The following APOBEC3F variants were observed in gnomAD, a reference collection of about 807,000 sequenced individuals.
APOBEC3F encodes DNA dC->dU-editing enzyme APOBEC-3F.
In APOBEC3F, 34 loss-of-function variants were observed where a neutral mutation model predicts 45.8. The ratio of observed to expected loss-of-function variants is 0.74; its 90% CI spans 0.57 to 0.99. The LOEUF is 0.99. Ranked by LOEUF, APOBEC3F falls within the 50% of genes least tolerant of loss-of-function variation. APOBEC3F has a pLI of 0.00. For missense variants in APOBEC3F, 459 were observed against 474.1 expected (o/e 0.97, Z 0.30); for synonymous variants, 192 against 174.4 (o/e 1.10, Z -0.80).
intron 4 of APOBEC3F, among the ~76,000 whole-genome samples, chr22:39,046,558 G>T (rs1927232001): frequency 6.6e-6 from 1 of 152,008 alleles, no homozygotes; most frequent in African/African-American, 2.4e-5. Context: ...GCCCCCAACA[G>T]GGATGGAGAT....
intron 4 of APOBEC3F, among the ~76,000 whole-genome samples, chr22:39,046,050 A>C (rs1479792091): frequency 6.6e-6 from 1 of 152,152 alleles, no homozygotes; most frequent in Non-Finnish European, 1.5e-5. Flanking sequence ...TGGAGGCTGC[A>C]AGTCCAAGGT....
chr22:39,044,348 G>A, intron 2 of APOBEC3F: 3 of 1,404,004 alleles, frequency 2.1e-6, no homozygotes, highest in Non-Finnish European at 2.8e-6. Context: ...TCATGTCTTG[G>A]TGCACTTTGT....
At chr22:39,049,303 T>A in intron 4 of APOBEC3F, 122 bp from the exon 5 acceptor site, 1 of 1,216,736 alleles carries the variant, frequency 8.2e-7, no homozygotes, top group South Asian at 1.5e-5. Flanking sequence ...TCTCTCCCAG[T>A]CTTTCTGCCT....
chr22:39,042,130 G>A (rs1316910576), intron 1 of APOBEC3F, among the ~76,000 whole-genome samples: 1 of 152,178 alleles, frequency 6.6e-6, no homozygotes, highest in African/African-American at 2.4e-5. Flanking sequence ...TGGCCCGTGC[G>A]GGCCTAGGGC....
In APOBEC3F at chr22:39,054,784, G is replaced by A. The variant is rs1267386101; in HGVS notation, c.*2089G>A. On this transcript the variant is annotated 3_prime_UTR_variant, in exon 7 of 7. Coordinates refer to ENST00000308521, the MANE Select transcript of APOBEC3F (RefSeq NM_145298.6). ...TTTAAATTTGACTTGACATTTTCTA[G>A]GCAGATATAAGTTATTAGAGAATGA... Among the ~76,000 whole-genome samples, 4 of 152,146 alleles carry A rather than the reference G, an allele frequency of 2.6e-5. No homozygotes were observed. The highest frequency in any genetic ancestry group is 9.7e-5 in the African/African-American group (4 of 41,424).
In APOBEC3F at chr22:39,041,813, GATC is replaced by G. The variant is rs561733812; in HGVS notation, c.17+837_17+839del. Among the ~76,000 whole-genome samples, 16 of 151,952 alleles carry G rather than the reference GATC, an allele frequency of 1.1e-4. No homozygotes were observed. The South Asian group carries it at 3.3e-3, about 32-fold the overall frequency. Reference sequence around the variant, plus strand: ...GGAGGCGGAGGTTGCAGTGAGCCGAGATCGCCCCATCGCACTCCAGCCTGGGCA... The same window carrying G: ...GGAGGCGGAGGTTGCAGTGAGCCGAGGCCCCATCGCACTCCAGCCTGGGCA... On this transcript the variant is annotated intron_variant, in intron 1 of 6. Coordinates refer to ENST00000308521, the MANE Select transcript of APOBEC3F (RefSeq NM_145298.6).
intron 1 of APOBEC3F, 142 bp from the exon 2 acceptor site, chr22:39,042,794 TG>T: frequency 7.7e-7 from 1 of 1,300,148 alleles, no homozygotes; most frequent in Non-Finnish European, 1.0e-6. Context: ...TCTTCCTGCC[TG>T]GGAAGGAAGC....
In APOBEC3F at chr22:39,045,226, A is replaced by C. The variant is rs1179895811; in HGVS notation, c.451+6A>C. 6.2e-7 allele frequency: 1 copy of C among 1,613,540 alleles called. No homozygotes were observed. Among genetic ancestry groups the C allele is most frequent in the African/African-American group, 1.3e-5 (1 of 74,858 alleles). Reference sequence around the variant, plus strand: ...GAAGATTATGGACGATGAAGGTGAGAGGTGGAGGGGTCAGGGGAGCGTGAG... The same window carrying C: ...GAAGATTATGGACGATGAAGGTGAGCGGTGGAGGGGTCAGGGGAGCGTGAG... On this transcript the variant is annotated splice_donor_region_variant and intron_variant, in intron 3 of 6. Coordinates refer to ENST00000308521, the MANE Select transcript of APOBEC3F (RefSeq NM_145298.6).
At chr22:39,048,898 T>C (rs1927345595) in intron 4 of APOBEC3F, among the ~76,000 whole-genome samples, 1 of 151,904 alleles carries the variant, frequency 6.6e-6, no homozygotes. Flanking sequence ...GGCAGGAGAA[T>C]CACTTCAACC....
intron 6 of APOBEC3F, 95 bp from the exon 7 acceptor site, chr22:39,052,482 A>T: frequency 6.4e-7 from 1 of 1,568,954 alleles, no homozygotes; most frequent in Non-Finnish European, 8.6e-7. Flanking sequence ...GTCCACTGCA[A>T]CTGGCAGTCA....
intron 5 of APOBEC3F, among the ~76,000 whole-genome samples, chr22:39,050,967 A>C (rs34782049): frequency 0.012 from 1,821 of 152,286 alleles, 42 homozygotes; most frequent in African/African-American, 0.042. Context: ...GGCCGAGTGC[A>C]GTGGCTCACG....
chr22:39,052,986 A>AT lies in APOBEC3F; in HGVS notation c.*292dup, dbSNP rs201268620. 5,948 of 266,174 alleles carry AT rather than the reference A, an allele frequency of 0.022. 127 individuals are homozygous for AT. The highest frequency in any genetic ancestry group is 0.044 in the Middle Eastern group (31 of 712). 16.5% of individuals were successfully genotyped at this position (266,174 alleles called of 1,614,324 possible). A position where few individuals can be genotyped will look rare whatever the true frequency, so the allele number is the denominator to read the frequency against. On this transcript the variant is annotated 3_prime_UTR_variant, in exon 7 of 7. Coordinates refer to ENST00000308521, the MANE Select transcript of APOBEC3F (RefSeq NM_145298.6). ...TTTCCCATCTCCCCAGCATAACCTA[A>AT]TATTTTTTTTTTTTTTTTGAGACGG...
Position 39,055,827 on chromosome 22 carries a change from C to T in APOBEC3F, c.*3132C>T, listed in dbSNP as rs891120993. On this transcript the variant is annotated 3_prime_UTR_variant, in exon 7 of 7. Transcript: ENST00000308521. The stretch of plus-strand genomic sequence containing the variant: ...TAGCCCCCCAGTCACGTAGCCCACG[C>T]TTGCACAATCTATCACGACCCTTTC... Among the ~76,000 whole-genome samples, 1 of 152,150 alleles carries T rather than the reference C, an allele frequency of 6.6e-6. No individual in the cohort carries two copies. The highest frequency in any genetic ancestry group is 2.4e-5 in the African/African-American group (1 of 41,418).
intron 4 of APOBEC3F, among the ~76,000 whole-genome samples, chr22:39,049,020 G>C (rs2146347515): frequency 6.6e-6 from 1 of 151,936 alleles, no homozygotes; most frequent in South Asian, 2.1e-4. Context: ...AAAAAGAGTA[G>C]CCTGGGCCTG....
At chr22:39,045,579 C>A in intron 4 of APOBEC3F, 37 bp downstream of exon 4, 1 of 1,613,404 alleles carries the variant, frequency 6.2e-7, no homozygotes, top group Non-Finnish European at 8.5e-7. Context: ...TCTGTCTCCT[C>A]TCGCCTCCTG....
chr22:39,052,494 G>A, intron 6 of APOBEC3F, 83 bp from the exon 7 acceptor site: 1 of 1,569,378 alleles, frequency 6.4e-7, no homozygotes, highest in Non-Finnish European at 8.6e-7. Context: ...TGGCAGTCAG[G>A]AGACCTGGGC....
At position 39,052,695 on chromosome 22, in the gene APOBEC3F, A is replaced by G; in HGVS notation, c.1122A>G (p.Ter374TrpextTer12). ...GCAAGCTGCAGGAGATTCTCGAGTG[A>G]GGGGTCTCCCCGGGCCTCATGGTCT... ...LDSKLQEILE[*>W] The change falls in exon 7 of 7, where the codon TGA (stop) becomes TGG (tryptophan). Residue 374 changes from the stop codon to tryptophan (W), a stop_lost. Coordinates refer to ENST00000308521, the MANE Select transcript of APOBEC3F (RefSeq NM_145298.6). 6.2e-7 allele frequency: 1 copy of G among 1,612,184 alleles called. No individual in the cohort carries two copies. Among genetic ancestry groups the G allele is most frequent in the East Asian group, 2.2e-5 (1 of 44,878 alleles).
Position 39,055,492 on chromosome 22 carries a change from C to T in APOBEC3F, c.*2797C>T, listed in dbSNP as rs1044425694. Among the ~76,000 whole-genome samples the T allele has an allele frequency of 3.4e-4, 51 of 152,094 alleles. 3 individuals carry two copies. On this transcript the variant is annotated 3_prime_UTR_variant, in exon 7 of 7. Coordinates refer to ENST00000308521, the MANE Select transcript of APOBEC3F (RefSeq NM_145298.6). The stretch of plus-strand genomic sequence containing the variant: ...CAAGCAATTCTCCCACCTCAGCCTC[C>T]TGAGTAGCTGGGATTACAGATGCCC...
Position 39,052,690 on chromosome 22 carries a change from G to A in APOBEC3F, c.1117G>A (p.Glu373Lys), listed in dbSNP as rs146924719. ...GGACAGCAAGCTGCAGGAGATTCTC[G>A]AGTGAGGGGTCTCCCCGGGCCTCAT... ...FLDSKLQEIL[E>K] Residue 373 changes from glutamate to lysine, a missense_variant, in exon 7 of 7, where the codon GAG (glutamate) becomes AAG (lysine). Coordinates refer to ENST00000308521, the MANE Select transcript of APOBEC3F (RefSeq NM_145298.6). 3,745 of 1,612,506 alleles carry A rather than the reference G, an allele frequency of 2.3e-3. 7 individuals are homozygous for A. The highest frequency in any genetic ancestry group is 3.9e-3 in the Admixed American group (236 of 59,868).
Sources: gnomAD v4.1 joint callset for allele counts (sites outside exome capture counted in the v4.1 genomes callset) on GRCh38, gnomAD v4.1.1 for gene constraint, MANE v1.5 for transcripts, NCBI Gene and HGNC (gene_info 2026-07-23, HGNC 2026-07-21) for gene names.